Variants in DGKB observed in about 807,000 individuals in gnomAD.
DGKB encodes 90 kDa diacylglycerol kinase.
Under a neutral mutation model 114.3 loss-of-function variants are expected in DGKB, and 67 were observed. The observed-to-expected ratio is 0.59, with a 90% CI of 0.48 to 0.72. DGKB has a LOEUF of 0.72. DGKB is among the 30% of genes least tolerant of loss of function. The pLI is 0.00. For synonymous variants in DGKB, 398 were observed against 323.1 expected (o/e 1.23, Z -2.49); for missense variants, 907 against 975.2 (o/e 0.93, Z 0.93).
At chr7:14,650,861 A>G (rs1169309749) in intron 13 of DGKB, among the ~76,000 whole-genome samples, 103 of 151,802 alleles carry the variant, frequency 6.8e-4, no homozygotes, top group South Asian at 1.0e-3. Context: ...AGAGAATAAT[A>G]CAAACACCTC....
At chr7:14,206,157 A>G (rs186237849) in intron 23 of DGKB, among the ~76,000 whole-genome samples, 1 of 152,166 alleles carries the variant, frequency 6.6e-6, no homozygotes, top group African/African-American at 2.4e-5. Context: ...CTATACTAAG[A>G]AAGACTGTAA....
chr7:14,233,764 C>T (rs1357208292), intron 23 of DGKB, among the ~76,000 whole-genome samples: 1 of 151,918 alleles, frequency 6.6e-6, no homozygotes, highest in African/African-American at 2.4e-5. Context: ...AACCAGAGTC[C>T]AGGGAGTGTG....
At chr7:14,883,921 G>C (rs192148483) in intron 1 of DGKB, among the ~76,000 whole-genome samples, 11 of 151,976 alleles carry the variant, frequency 7.2e-5, no homozygotes, top group Non-Finnish European at 1.3e-4. Flanking sequence ...TTAATAAATA[G>C]GTGCTTCCAT....
intron 20 of DGKB, among the ~76,000 whole-genome samples, chr7:14,567,277 A>AAT (rs1373640343): frequency 2.1e-5 from 1 of 46,938 alleles, no homozygotes; most frequent in Non-Finnish European, 3.6e-5. Flanking sequence ...ATATATAATT[A>AAT]TATTATATAT....
At chr7:14,875,596 T>A (rs1853155887) in intron 1 of DGKB, among the ~76,000 whole-genome samples, 1 of 152,224 alleles carries the variant, frequency 6.6e-6, no homozygotes. Context: ...TCTTGCTCAG[T>A]AATTATCAGT....
chr7:14,250,662 G>A (rs1342116326), intron 23 of DGKB, among the ~76,000 whole-genome samples: 2 of 152,066 alleles, frequency 1.3e-5, no homozygotes, highest in Non-Finnish European at 2.9e-5. Flanking sequence ...TGTTCATTTG[G>A]TCAGTAGTGT....
At chr7:14,946,049 T>C (rs1785856416) in intron 1 of DGKB, among the ~76,000 whole-genome samples, 1 of 151,608 alleles carries the variant, frequency 6.6e-6, no homozygotes, top group Non-Finnish European at 1.5e-5. Context: ...ACATCTAATG[T>C]ATTATTTTGA....
intron 13 of DGKB, among the ~76,000 whole-genome samples, chr7:14,634,641 G>C (rs969104285): frequency 1.3e-5 from 2 of 151,084 alleles, no homozygotes; most frequent in Non-Finnish European, 3.0e-5. Flanking sequence ...AGTAGTAAGA[G>C]ACAGAGAAAA....
At chr7:14,325,603 T>C (rs1412620550) in intron 23 of DGKB, among the ~76,000 whole-genome samples, 1 of 152,150 alleles carries the variant, frequency 6.6e-6, no homozygotes, top group Admixed American at 6.6e-5. Context: ...ACATCATCAA[T>C]CAAAGCTGGA....
At chr7:14,226,235 A>C (rs960819871) in intron 23 of DGKB, among the ~76,000 whole-genome samples, 1 of 151,986 alleles carries the variant, frequency 6.6e-6, no homozygotes, top group African/African-American at 2.4e-5. Flanking sequence ...ATGCTATTAC[A>C]AACATATAAT....
intron 1 of DGKB, among the ~76,000 whole-genome samples, chr7:14,855,177 T>G (rs908422028): frequency 2.0e-5 from 3 of 152,206 alleles, no homozygotes; most frequent in Admixed American, 6.5e-5. Context: ...CAGCAGCAGC[T>G]GTTTGGAGAT....
At chr7:14,661,128 C>T (rs933679709) in intron 13 of DGKB, among the ~76,000 whole-genome samples, 6 of 152,106 alleles carry the variant, frequency 3.9e-5, no homozygotes, top group African/African-American at 7.2e-5. Flanking sequence ...CTTTACCATT[C>T]GGGACATAGG....
intron 21 of DGKB, among the ~76,000 whole-genome samples, chr7:14,370,023 T>C (rs910593123): frequency 2.0e-5 from 3 of 152,238 alleles, no homozygotes; most frequent in Non-Finnish European, 2.9e-5. Flanking sequence ...GCTTTGTCCA[T>C]GCCTATGTTC....
chr7:14,413,298 A>G (rs1275981626), intron 21 of DGKB, among the ~76,000 whole-genome samples: 1 of 152,156 alleles, frequency 6.6e-6, no homozygotes, highest in African/African-American at 2.4e-5. Flanking sequence ...ATGACATAGA[A>G]CTTTTACTTG....
intron 1 of DGKB, among the ~76,000 whole-genome samples, chr7:14,898,893 G>A (rs891365021): frequency 6.6e-6 from 1 of 152,126 alleles, no homozygotes; most frequent in African/African-American, 2.4e-5. Context: ...CTGAGTTGGG[G>A]ACATTGTGTT....
chr7:14,961,248 T>G (rs9639216), intron 1 of DGKB, among the ~76,000 whole-genome samples: 12,526 of 152,230 alleles, frequency 0.082, 1,492 homozygotes, highest in East Asian at 0.64. Flanking sequence ...TAGCTTTTAT[T>G]TTTTTCCACA....
At chr7:14,312,177 T>G (rs1176005312) in intron 23 of DGKB, among the ~76,000 whole-genome samples, 1 of 152,208 alleles carries the variant, frequency 6.6e-6, no homozygotes, top group East Asian at 1.9e-4. Flanking sequence ...TTGAGTTCTG[T>G]TAACTCTCTT....
At chr7:14,515,162 G>C (rs1246772355) in intron 20 of DGKB, among the ~76,000 whole-genome samples, 1 of 152,158 alleles carries the variant, frequency 6.6e-6, no homozygotes, top group African/African-American at 2.4e-5. Flanking sequence ...GGGTTAGAAA[G>C]AGTTGATTAA....
intron 23 of DGKB, among the ~76,000 whole-genome samples, chr7:14,331,317 G>A (rs2128557454): frequency 6.6e-6 from 1 of 152,050 alleles, no homozygotes; most frequent in African/African-American, 2.4e-5. Context: ...TAATAATGCT[G>A]CATGAAATCC....
Sources: gnomAD v4.1 joint callset for allele counts (sites outside exome capture counted in the v4.1 genomes callset) on GRCh38, gnomAD v4.1.1 for gene constraint, MANE v1.5 for transcripts, NCBI Gene and HGNC (gene_info 2026-07-23, HGNC 2026-07-21) for gene names.